LRRC7: variants seen among roughly 807,000 people sequenced by gnomAD.
LRRC7 encodes the protein leucine-rich repeat-containing protein 7.
LRRC7 carries 23 observed loss-of-function variants against 175.7 expected under a neutral mutation model. The ratio of observed to expected loss-of-function variants is 0.13; its 90% CI spans 0.09 to 0.19. The LOEUF (loss-of-function observed/expected upper bound fraction) is 0.19. Among genes scored for constraint, LRRC7 ranks in the 10% least tolerant of loss-of-function variants. LRRC7 has a pLI of 1.00. For synonymous variants in LRRC7, 685 were observed against 680.9 expected, an observed-to-expected ratio of 1.01 and a Z score of -0.09; for missense variants, 1,354 against 1,904.7, an observed-to-expected ratio of 0.71 and a Z score of 5.38.
At chr1:69,718,841 T>C (rs1666038604) in intron 2 of LRRC7, among the ~76,000 whole-genome samples, 2 of 151,760 alleles carry the variant, frequency 1.3e-5, no homozygotes. Context: ...GGAGAATGAT[T>C]GAGGGAAAAA....
chr1:69,866,485 T>A (rs1049668914), intron 7 of LRRC7, among the ~76,000 whole-genome samples: 5 of 152,190 alleles, frequency 3.3e-5, no homozygotes, highest in Admixed American at 6.6e-5. Flanking sequence ...GAAGTTAGAA[T>A]CTGATGGCAT....
chr1:69,832,384 A>C (rs1292698011), intron 5 of LRRC7, among the ~76,000 whole-genome samples: 1 of 152,168 alleles, frequency 6.6e-6, no homozygotes, highest in African/African-American at 2.4e-5. Context: ...CAGGAAGGAA[A>C]GGGGCAGGCA....
intron 7 of LRRC7, among the ~76,000 whole-genome samples, chr1:69,910,033 A>G (rs1418964619): frequency 6.6e-6 from 1 of 151,852 alleles, no homozygotes; most frequent in Admixed American, 6.6e-5. Flanking sequence ...GTCTTCCATC[A>G]CTGATACCCT....
At chr1:69,962,324 A>G (rs1369065079) in intron 8 of LRRC7, among the ~76,000 whole-genome samples, 1 of 152,204 alleles carries the variant, frequency 6.6e-6, no homozygotes, top group Admixed American at 6.5e-5. Context: ...TAAAAGTCAA[A>G]AAACAACAGA....
At chr1:69,709,196 A>G (rs1254632485) in intron 2 of LRRC7, among the ~76,000 whole-genome samples, 2 of 152,232 alleles carry the variant, frequency 1.3e-5, no homozygotes, top group African/African-American at 2.4e-5. Context: ...CCAAAATAAC[A>G]TAGTAAAGTT....
chr1:69,844,287 A>T (rs1682087167), intron 7 of LRRC7, among the ~76,000 whole-genome samples: 1 of 152,152 alleles, frequency 6.6e-6, no homozygotes, highest in South Asian at 2.1e-4. Flanking sequence ...AATGTTGGAC[A>T]GCAGATGTCT....
At chr1:70,079,016 A>G (rs529234548) in intron 24 of LRRC7, among the ~76,000 whole-genome samples, 1 of 152,304 alleles carries the variant, frequency 6.6e-6, no homozygotes, top group Admixed American at 6.5e-5. Flanking sequence ...CTGAAAGGTT[A>G]TATATTTCAC....
chr1:69,759,420 G>C (rs957572279), intron 2 of LRRC7, among the ~76,000 whole-genome samples: 6 of 151,894 alleles, frequency 4.0e-5, no homozygotes, highest in Admixed American at 3.9e-4. Flanking sequence ...AAAAGTCTTC[G>C]CAAAATTTCA....
chr1:70,056,863 A>G (rs1487793948), intron 23 of LRRC7, among the ~76,000 whole-genome samples: 2 of 152,182 alleles, frequency 1.3e-5, no homozygotes, highest in East Asian at 3.8e-4. Context: ...GTGAGGGAAA[A>G]ATGTTTTAAG....
At chr1:69,811,620 G>A (rs1422213157) in intron 4 of LRRC7, among the ~76,000 whole-genome samples, 6 of 152,068 alleles carry the variant, frequency 3.9e-5, no homozygotes, top group Middle Eastern at 3.2e-3. Flanking sequence ...GTCCTTTGCC[G>A]GGACCTGGAT....
At chr1:69,862,295 G>C (rs971798157) in intron 7 of LRRC7, among the ~76,000 whole-genome samples, 1 of 152,188 alleles carries the variant, frequency 6.6e-6, no homozygotes, top group East Asian at 1.9e-4. Context: ...TGTTCTTATA[G>C]ATGGCATATA....
chr1:69,721,057 A>T (rs1050115443), intron 2 of LRRC7, among the ~76,000 whole-genome samples: 1 of 151,834 alleles, frequency 6.6e-6, no homozygotes, highest in South Asian at 2.1e-4. Context: ...TTGAAAAAAC[A>T]TAGACTTTAT....
intron 14 of LRRC7, among the ~76,000 whole-genome samples, chr1:70,017,752 A>T (rs1049659727): frequency 9.9e-5 from 15 of 152,122 alleles, no homozygotes; most frequent in African/African-American, 3.4e-4. Flanking sequence ...CTTCCATCTG[A>T]GTCAAAAATT....
chr1:69,818,807 A>G (rs1001075637), intron 4 of LRRC7, among the ~76,000 whole-genome samples: 3 of 152,016 alleles, frequency 2.0e-5, no homozygotes, highest in Non-Finnish European at 4.4e-5. Context: ...TTTTTTATTC[A>G]TGATTCAGTC....
chr1:69,778,961 CATAT>C (rs144881899), intron 3 of LRRC7, among the ~76,000 whole-genome samples: 27 of 135,372 alleles, frequency 2.0e-4, no homozygotes, highest in African/African-American at 5.8e-4. Flanking sequence ...CACACACAAA[CATAT>C]ATATATATAT....
intron 1 of LRRC7, among the ~76,000 whole-genome samples, chr1:69,576,854 C>A (rs751930383): frequency 6.6e-6 from 1 of 152,114 alleles, no homozygotes; most frequent in African/African-American, 2.4e-5. Flanking sequence ...TCTGAATGTC[C>A]TAAGTCTAGG....
intron 1 of LRRC7, among the ~76,000 whole-genome samples, chr1:69,592,491 A>G (rs750270348): frequency 1.6e-4 from 24 of 152,110 alleles, no homozygotes; most frequent in Non-Finnish European, 2.8e-4. Context: ...CGTTACATTA[A>G]AAGTACCTAA....
chr1:70,020,992 A>T lies in LRRC7; in HGVS notation c.1421-13A>T. On this transcript the variant is annotated splice_polypyrimidine_tract_variant and intron_variant, in intron 15 of 26. Transcript: ENST00000651989. ...TTTTAAAAAAACAATAATACTTTGG[A>T]ATCTAACTGTAGATTTCCAGTCAGA... is the stretch of plus-strand genomic sequence containing the variant. The T allele has an allele frequency of 6.3e-7, 1 of 1,593,266 alleles. No homozygotes were observed.
At chr1:69,692,842 A>C (rs1232638475) in intron 2 of LRRC7, among the ~76,000 whole-genome samples, 1 of 152,180 alleles carries the variant, frequency 6.6e-6, no homozygotes, top group East Asian at 1.9e-4. Context: ...TTTTCAGAAA[A>C]AAAAATAGTA....
Sources: gnomAD v4.1 joint callset for allele counts (sites outside exome capture counted in the v4.1 genomes callset) on GRCh38, gnomAD v4.1.1 for gene constraint, MANE v1.5 for transcripts, NCBI Gene and HGNC (gene_info 2026-07-23, HGNC 2026-07-21) for gene names.